Variants in SLC35D2 observed in about 807,000 individuals in gnomAD.
SLC35D2 encodes the protein solute carrier family 35 member D2.
Under a neutral mutation model 41.8 loss-of-function variants are expected in SLC35D2, and 43 were observed. That is an observed-to-expected ratio of 1.03 (90% CI 0.81 to 1.33). The LOEUF (loss-of-function observed/expected upper bound fraction) is 1.33, where lower values mean the gene tolerates loss of function less well. Among genes scored for constraint, SLC35D2 ranks in the 40% most tolerant of loss-of-function variants. The pLI, the probability that SLC35D2 is intolerant of heterozygous loss-of-function variation, is 0.00. For synonymous variants in SLC35D2, 150 were observed against 163.9 expected (o/e 0.92, Z 0.65); for missense variants, 380 against 408.4 (o/e 0.93, Z 0.60).
At chr9:96,317,642 A>C (rs964094714), downstream of SLC35D2, among the ~76,000 whole-genome samples, 1 of 152,158 alleles carries the variant, frequency 6.6e-6, no homozygotes, top group African/African-American at 2.4e-5. Flanking sequence ...ATTGGAAGAA[A>C]GAAGGAAATT....
At chr9:96,352,199 C>A in intron 4 of SLC35D2, 90 bp from the exon 5 acceptor site, 1 of 753,862 alleles carries the variant, frequency 1.3e-6, no homozygotes, top group South Asian at 2.2e-5. Flanking sequence ...ATTAAGCTTA[C>A]TAATTTTCCA....
At chr9:96,336,050 CA>C (rs56681611) in intron 9 of SLC35D2, among the ~76,000 whole-genome samples, 112 of 110,232 alleles carry the variant, frequency 1.0e-3, no homozygotes, top group Non-Finnish European at 1.1e-3. Flanking sequence ...ACTCCATCTT[CA>C]AAAAAAAAAA....
intron 10 of SLC35D2, 150 bp downstream of exon 10, chr9:96,323,940 GT>G (rs1828378595): frequency 1.7e-5 from 10 of 575,904 alleles, no homozygotes; most frequent in African/African-American, 1.5e-4. Flanking sequence ...AAAAAAAGAA[GT>G]AAGATGGGAT....
intron 8 of SLC35D2, among the ~76,000 whole-genome samples, chr9:96,341,565 G>A (rs1314058396): frequency 6.6e-6 from 1 of 152,140 alleles, no homozygotes; most frequent in Non-Finnish European, 1.5e-5. Flanking sequence ...TGGAAATGCA[G>A]TGAGATAGTT....
chr9:96,333,029 G>A (rs1205479956), intron 9 of SLC35D2, among the ~76,000 whole-genome samples: 2 of 150,458 alleles, frequency 1.3e-5, no homozygotes, highest in East Asian at 4.2e-4. Flanking sequence ...CTCCTGAGTA[G>A]CTGGGATTAC....
intron 9 of SLC35D2, among the ~76,000 whole-genome samples, chr9:96,328,334 TC>T (rs1301647178): frequency 6.6e-6 from 1 of 152,154 alleles, no homozygotes; most frequent in Non-Finnish European, 1.5e-5. Context: ...GAGCCCAGCC[TC>T]CATCTTCTGG....
intron 1 of SLC35D2, among the ~76,000 whole-genome samples, chr9:96,369,606 G>A (rs1364202176): frequency 6.6e-6 from 1 of 152,176 alleles, no homozygotes; most frequent in Non-Finnish European, 1.5e-5. Flanking sequence ...AAGAACAGAG[G>A]TCAAGACAGG....
intron 4 of SLC35D2, among the ~76,000 whole-genome samples, chr9:96,356,382 C>CTTTTTTTTTTTTTT (rs199569097): frequency 9.9e-6 from 1 of 101,434 alleles, no homozygotes; most frequent in African/African-American, 3.5e-5. Flanking sequence ...TTTATTTATT[C>CTTTTTTTTTTTTTT]TTTTTTTTTT....
intron 3 of SLC35D2, among the ~76,000 whole-genome samples, chr9:96,360,650 A>AAAG (rs1564116701): frequency 3.0e-5 from 4 of 132,834 alleles, no homozygotes; most frequent in Admixed American, 7.5e-5. Context: ...AAAAAAAAAA[A>AAAG]AAAAGAAAAG....
chr9:96,350,454 A>G (rs1378657565), intron 6 of SLC35D2, among the ~76,000 whole-genome samples: 4 of 134,772 alleles, frequency 3.0e-5, no homozygotes, highest in African/African-American at 1.1e-4. Flanking sequence ...TAGGCTTCCT[A>G]CAGTGCTGGG....
rs57775451 is a variant in SLC35D2 at position 96,324,549 on chromosome 9, C to CTTTTTTTTTTTTTTTTTTTT, written c.753-381_753-380insAAAAAAAAAAAAAAAAAAAA. On this transcript the variant is annotated intron_variant, in intron 9 of 11. Transcript: ENST00000253270. The stretch of plus-strand genomic sequence containing the variant: ...CTGTGCCTCAGAATCGCCTGCTGCA[C>CTTTTTTTTTTTTTTTTTTTT]TTTTTTTTTTTTTTTTTGGTGGGGA... 2.4e-3 allele frequency among the ~76,000 whole-genome samples: 287 copies of CTTTTTTTTTTTTTTTTTTTT among 117,706 alleles called. 11 individuals are homozygous for CTTTTTTTTTTTTTTTTTTTT. The highest frequency in any genetic ancestry group is 6.8e-3 in the South Asian group (21 of 3,084). The allele number at this position is 117,706 out of a possible 152,430, so 77.2% of individuals were successfully genotyped here.
chr9:96,318,346 T>A (rs997245940), downstream of SLC35D2, among the ~76,000 whole-genome samples: 2 of 151,588 alleles, frequency 1.3e-5, no homozygotes, highest in Non-Finnish European at 2.9e-5. Context: ...TGGTCCCAGC[T>A]CCTCGGGAGG....
At chr9:96,360,720 A>C (rs1830236845) in intron 3 of SLC35D2, among the ~76,000 whole-genome samples, 1 of 151,304 alleles carries the variant, frequency 6.6e-6, no homozygotes, top group African/African-American at 2.4e-5. Flanking sequence ...ATGTCACGAC[A>C]CACCCATCAG....
intron 4 of SLC35D2, among the ~76,000 whole-genome samples, chr9:96,358,525 A>C (rs1253205764): frequency 6.6e-6 from 1 of 152,196 alleles, no homozygotes; most frequent in Non-Finnish European, 1.5e-5. Flanking sequence ...GTATCAAGTA[A>C]ATGAAAAACC....
intron 6 of SLC35D2, among the ~76,000 whole-genome samples, chr9:96,349,850 T>C (rs902276532): frequency 3.3e-5 from 5 of 152,120 alleles, no homozygotes; most frequent in Non-Finnish European, 7.4e-5. Flanking sequence ...TAATGAACCT[T>C]CAGAGAGTAG....
intron 2 of SLC35D2, among the ~76,000 whole-genome samples, chr9:96,366,377 G>A (rs1830474827): frequency 6.6e-6 from 1 of 151,100 alleles, no homozygotes; most frequent in African/African-American, 2.4e-5. Context: ...ATGTAATTCA[G>A]ACTTTTAAAA....
intron 1 of SLC35D2, among the ~76,000 whole-genome samples, chr9:96,371,787 C>T (rs1279382906): frequency 3.4e-5 from 4 of 117,514 alleles, no homozygotes; most frequent in South Asian, 2.9e-4. Context: ...AGTGCAGTGG[C>T]GGGATCTCGG....
At chr9:96,363,627 C>G (rs534490301) in intron 3 of SLC35D2, among the ~76,000 whole-genome samples, 1 of 152,302 alleles carries the variant, frequency 6.6e-6, no homozygotes, top group Non-Finnish European at 1.5e-5. Context: ...ACGGAAAAAA[C>G]TGCGTATTTC....
chr9:96,374,362 C>T (rs940397058), intron 1 of SLC35D2, among the ~76,000 whole-genome samples: 1 of 151,942 alleles, frequency 6.6e-6, no homozygotes, highest in African/African-American at 2.4e-5. Context: ...GGTGAAACCC[C>T]GTCTCTACTA....
Sources: gnomAD v4.1 joint callset for allele counts (sites outside exome capture counted in the v4.1 genomes callset) on GRCh38, gnomAD v4.1.1 for gene constraint, MANE v1.5 for transcripts, NCBI Gene and HGNC (gene_info 2026-07-23, HGNC 2026-07-21) for gene names.